SLC6A11: variants seen among roughly 807,000 people sequenced by gnomAD.
SLC6A11 encodes solute carrier family 6 member 11.
Under a neutral mutation model 74.8 loss-of-function variants are expected in SLC6A11, and 25 were observed. The observed-to-expected ratio is 0.33, with a 90% CI of 0.24 to 0.47. The LOEUF (loss-of-function observed/expected upper bound fraction) is 0.47, where lower values mean the gene tolerates loss of function less well. Among genes scored for constraint, SLC6A11 ranks in the 20% least tolerant of loss-of-function variants. The pLI is 1.00. For missense variants in SLC6A11, 574 were observed against 837.0 expected (o/e 0.69, Z 3.88); for synonymous variants, 330 against 330.2 (o/e 1.00, Z 0.01).
At chr3:10,873,164 G>A (rs148921417) in intron 5 of SLC6A11, among the ~76,000 whole-genome samples, 5 of 152,256 alleles carry the variant, frequency 3.3e-5, no homozygotes, top group Non-Finnish European at 5.9e-5. Flanking sequence ...CTTCTAGGCC[G>A]CTCTTGTGCG....
intron 4 of SLC6A11, among the ~76,000 whole-genome samples, chr3:10,829,912 A>G (rs2106576607): frequency 6.6e-6 from 1 of 152,044 alleles, no homozygotes; most frequent in South Asian, 2.1e-4. Flanking sequence ...TTCTTAGTGC[A>G]TTTTTTTCTT....
rs559053583 is a variant in SLC6A11, at chr3:10,934,193, CA to C, written c.1575+28del. On this transcript the variant is annotated intron_variant, in intron 12 of 13. Coordinates refer to ENST00000254488, the MANE Select transcript of SLC6A11 (RefSeq NM_014229.3). ...TAAGGGCCCCACCAGGAGCCACCTC[CA>C]GCCATCTACCCACCCATCTACCCTC... 1.1e-4 allele frequency: 154 copies of C among 1,463,938 alleles called. No homozygotes were observed. The African/African-American group carries it at 2.0e-3, about 19-fold the overall frequency. The allele number at this position is 1,463,938 out of a possible 1,614,324, so 90.7% of individuals were successfully genotyped here. A position where few individuals can be genotyped will look rare whatever the true frequency, so the allele number is the denominator to read the frequency against.
intron 5 of SLC6A11, among the ~76,000 whole-genome samples, chr3:10,873,564 C>CTATGGCATG: frequency 6.7e-6 from 1 of 149,564 alleles, no homozygotes; most frequent in African/African-American, 2.5e-5. Flanking sequence ...CCTACCCTAC[C>CTATGGCATG]CTACCCTACC....
intron 4 of SLC6A11, among the ~76,000 whole-genome samples, chr3:10,841,406 C>T (rs890434789): frequency 6.6e-6 from 1 of 152,170 alleles, no homozygotes; most frequent in Non-Finnish European, 1.5e-5. Context: ...TCAAAACAAC[C>T]CCACTGCCCT....
rs547273086 is a variant in SLC6A11 at position 10,890,527 on chromosome 3, A to G, written c.891+15432A>G. Among the ~76,000 whole-genome samples the G allele has an allele frequency of 2.6e-5, 4 of 152,376 alleles. No individual in the cohort carries two copies. In the East Asian group the frequency reaches 7.7e-4, roughly 29 times the overall value. On this transcript the variant is annotated intron_variant, in intron 6 of 13. Coordinates refer to ENST00000254488, the MANE Select transcript of SLC6A11 (RefSeq NM_014229.3). ...GAGATAGGCGGTGTGGTGCTGACTCAGTCAGTGTGGCTGTTAACTATCTTT... is the reference window on the plus strand; with the variant it reads ...GAGATAGGCGGTGTGGTGCTGACTCGGTCAGTGTGGCTGTTAACTATCTTT...
chr3:10,917,460 A>G (rs115196507), intron 7 of SLC6A11, among the ~76,000 whole-genome samples: 1,864 of 152,118 alleles, frequency 0.012, 44 homozygotes, highest in African/African-American at 0.042. Flanking sequence ...TCCCCTATAA[A>G]ATGGGGTATT....
chr3:10,918,468 G>C lies in SLC6A11; in HGVS notation c.1120+15G>C. On this transcript the variant is annotated intron_variant, in intron 8 of 13. Transcript: ENST00000254488. This position sits in a 1 kb window ranked among gnomAD's most constrained non-coding sequence, Gnocchi z 4.5. Reference sequence around the variant, plus strand: ...GGCAGAGTCAGGTAAGTTCGCCAAAGGTGGGGATGGAAAAGGCGGCAAGGG... The same window carrying C: ...GGCAGAGTCAGGTAAGTTCGCCAAACGTGGGGATGGAAAAGGCGGCAAGGG... 6.2e-7 allele frequency: 1 copy of C among 1,600,828 alleles called. No individual in the cohort carries two copies. Among genetic ancestry groups the C allele is most frequent in the Non-Finnish European group, 8.5e-7 (1 of 1,175,036 alleles).
Position 10,816,344 on chromosome 3 carries a change from G to T in SLC6A11, c.79G>T (p.Gly27Cys). 2.1e-6 allele frequency: 3 copies of T among 1,429,214 alleles called. No individual in the cohort carries two copies. Among genetic ancestry groups the T allele is most frequent in the African/African-American group, 1.5e-5 (1 of 66,216 alleles). 88.5% of individuals were successfully genotyped at this position (1,429,214 alleles called of 1,614,324 possible). Residue 27 changes from glycine (G) to cysteine (C), a missense_variant, in exon 1 of 14, where the codon GGC (glycine) becomes TGC (cysteine). Coordinates refer to ENST00000254488, the MANE Select transcript of SLC6A11 (RefSeq NM_014229.3). This position sits in a 1 kb window ranked among gnomAD's most constrained non-coding sequence, Gnocchi z 4.2. Reference sequence around the variant, plus strand: ...GCGGGAGTCCGAGGCGCCGGGTGGCGGCTGCAGCAGCGGGGGCGCGGCGCC... The same window carrying T: ...GCGGGAGTCCGAGGCGCCGGGTGGCTGCTGCAGCAGCGGGGGCGCGGCGCC... ...EARESEAPGG[G>C]CSSGGAAPAR... is the part of the protein sequence containing the mutation.
In SLC6A11 at chr3:10,912,076, G is replaced by A; in HGVS notation, c.892-14G>A. On this transcript the variant is annotated splice_polypyrimidine_tract_variant and intron_variant, in intron 6 of 13. Transcript: ENST00000254488. ...GACTTCTGTTTATGCCAACATCTTT[G>A]TGCCTTCCTACAGGTCTGGGTAGAT... 6.3e-7 allele frequency: 1 copy of A among 1,582,916 alleles called. No homozygotes were observed. The highest frequency in any genetic ancestry group is 8.7e-7 in the Non-Finnish European group (1 of 1,151,560).
chr3:10,915,568 G>A lies in SLC6A11; in HGVS notation c.996-2761G>A, dbSNP rs974845290. On this transcript the variant is annotated intron_variant, in intron 7 of 13. Transcript: ENST00000254488. The surrounding 1 kb of genome is among the most constrained non-coding windows in gnomAD (Gnocchi z 4.3). ...TGTTACATAAGCGTTTTACCTAGACGTGGGAGCTGGGGAAGGAATTAGAGG... is the reference window on the plus strand; with the variant it reads ...TGTTACATAAGCGTTTTACCTAGACATGGGAGCTGGGGAAGGAATTAGAGG... Among the ~76,000 whole-genome samples the A allele has an allele frequency of 1.3e-5, 2 of 152,146 alleles. No homozygotes were observed. Among genetic ancestry groups the A allele is most frequent in the African/African-American group, 2.4e-5 (1 of 41,430 alleles).
chr3:10,882,290 A>G (rs1027881430), intron 6 of SLC6A11, among the ~76,000 whole-genome samples: 4 of 152,136 alleles, frequency 2.6e-5, no homozygotes, highest in African/African-American at 9.7e-5. Context: ...CAAGAGAGAG[A>G]AGTGTGAAAA....
chr3:10,852,256 T>A (rs996430870), intron 5 of SLC6A11, among the ~76,000 whole-genome samples: 1 of 152,246 alleles, frequency 6.6e-6, no homozygotes, highest in South Asian at 2.1e-4. Flanking sequence ...GCATGCAGAA[T>A]GCCTGGGCGG....
chr3:10,836,063 T>TA (rs1491564641), intron 4 of SLC6A11, among the ~76,000 whole-genome samples: 1 of 152,232 alleles, frequency 6.6e-6, no homozygotes, highest in African/African-American at 2.4e-5. Context: ...CTATTTTTTT[T>TA]ATCTCTGTGA....
intron 5 of SLC6A11, among the ~76,000 whole-genome samples, chr3:10,848,775 C>A (rs189467369): frequency 1.1e-4 from 16 of 152,308 alleles, no homozygotes; most frequent in African/African-American, 3.9e-4. Context: ...TGGGGATTCT[C>A]ATGGCTGAGA....
At chr3:10,884,454 C>T (rs1695018625) in intron 6 of SLC6A11, among the ~76,000 whole-genome samples, 1 of 152,176 alleles carries the variant, frequency 6.6e-6, no homozygotes, top group African/African-American at 2.4e-5. Flanking sequence ...TTTACATCAT[C>T]TTATAAGTCA....
intron 6 of SLC6A11, among the ~76,000 whole-genome samples, chr3:10,881,114 G>A (rs1694970512): frequency 1.3e-5 from 2 of 152,130 alleles, no homozygotes; most frequent in African/African-American, 2.4e-5. Context: ...ATTAGAGTGG[G>A]CTTAAAGTGA....
chr3:10,858,155 A>G (rs1374475454), intron 5 of SLC6A11, among the ~76,000 whole-genome samples: 1 of 152,276 alleles, frequency 6.6e-6, no homozygotes, highest in East Asian at 1.9e-4. Context: ...TTCCACGGAC[A>G]GTACAGCCAT....
chr3:10,849,321 C>G (rs1159846441), intron 5 of SLC6A11, among the ~76,000 whole-genome samples: 1 of 152,086 alleles, frequency 6.6e-6, no homozygotes, highest in Non-Finnish European at 1.5e-5. Context: ...AATTAAGTGA[C>G]CAGAAAGTAG....
chr3:10,882,419 C>T (rs944470747), intron 6 of SLC6A11, among the ~76,000 whole-genome samples: 1 of 152,138 alleles, frequency 6.6e-6, no homozygotes, highest in African/African-American at 2.4e-5. Context: ...CATCTGTCTT[C>T]CCAGCTTGCA....
Sources: gnomAD v4.1 joint callset for allele counts (sites outside exome capture counted in the v4.1 genomes callset) on GRCh38, gnomAD v4.1.1 for gene constraint, Gnocchi (gnomAD v3.1) non-coding constraint, MANE v1.5 for transcripts, NCBI Gene and HGNC (gene_info 2026-07-23, HGNC 2026-07-21) for gene names.